The following MPP7 variants were observed in gnomAD, a reference collection of about 807,000 sequenced individuals.
The protein encoded by MPP7 is MAGUK p55 scaffold protein 7, also known as MAGUK p55 subfamily member 7.
MPP7 carries 60 observed loss-of-function variants against 76.5 expected under a neutral mutation model. The observed-to-expected ratio is 0.78, with a 90% confidence interval of 0.64 to 0.97. MPP7 has a LOEUF of 0.97. Among genes scored for constraint, MPP7 ranks in the 50% least tolerant of loss-of-function variants. MPP7 has a pLI of 0.00. For missense variants in MPP7, 641 were observed against 694.0 expected (o/e 0.92, Z 0.86); for synonymous variants, 237 against 244.5 (o/e 0.97, Z 0.29).
rs150537433 is a variant in MPP7 at position 28,239,720 on chromosome 10, A to G, written c.-131-985T>C. 2.1e-3 allele frequency among the ~76,000 whole-genome samples: 316 copies of G among 152,366 alleles called. 1 individual carries two copies. The highest frequency in any genetic ancestry group is 6.7e-3 in the African/African-American group (278 of 41,590). ...AACTAATGTTTATCCTCAAATAAGC[A>G]GTAAAGGCAGTATAGCATAGTAGCT... On this transcript the variant is annotated intron_variant, in intron 1 of 16. Coordinates refer to ENST00000683449, the MANE Select transcript of MPP7 (RefSeq NM_001318170.2).
intron 2 of MPP7, among the ~76,000 whole-genome samples, chr10:28,219,695 G>A (rs1386176454): frequency 6.6e-6 from 1 of 152,108 alleles, no homozygotes; most frequent in Non-Finnish European, 1.5e-5. Flanking sequence ...TGCATTCTGT[G>A]CAGTATGGTC....
intron 3 of MPP7, among the ~76,000 whole-genome samples, chr10:28,182,198 A>AG (rs869146766): frequency 1.3e-5 from 2 of 151,850 alleles, no homozygotes; most frequent in African/African-American, 4.8e-5. Context: ...AAAAATAGCA[A>AG]AGGATATAAA....
At chr10:28,109,863 A>AAAAAAAAAAAAAAAAAAAAAAAAAC (rs1834445245) in intron 11 of MPP7, among the ~76,000 whole-genome samples, 1 of 149,480 alleles carries the variant, frequency 6.7e-6, no homozygotes, top group African/African-American at 2.5e-5. Context: ...AAAAAAAAAA[A>AAAAAAAAAAAAAAAAAAAAAAAAAC]AAAAAAAAAA....
chr10:28,063,527 A>G (rs533010208), intron 13 of MPP7, among the ~76,000 whole-genome samples: 3 of 152,058 alleles, frequency 2.0e-5, no homozygotes, highest in East Asian at 3.9e-4. Context: ...GGGGTCCCCA[A>G]TCCCCAGGCC....
chr10:28,306,668 T>TAGAGAGAGAG (rs55731439), upstream of MPP7, among the ~76,000 whole-genome samples: 2,185 of 148,402 alleles, frequency 0.015, 64 homozygotes, highest in African/African-American at 0.048. Flanking sequence ...GATAGATAGA[T>TAGAGAGAGAG]AGAGAGAGAG....
In MPP7 at chr10:28,115,589, A is replaced by C. The variant is rs141430579; in HGVS notation, c.952+4062T>G. Among the ~76,000 whole-genome samples, 198 of 152,356 alleles carry C rather than the reference A, an allele frequency of 1.3e-3. 2 individuals are homozygous for C. Among genetic ancestry groups the C allele is most frequent in the Non-Finnish European group, 4.6e-4 (31 of 68,032 alleles). ...AATTACTTAAGAATCCAGGAAGAAG[A>C]AGCTTACTCAACTTGAAAAGCTTTA... On this transcript the variant is annotated intron_variant, in intron 11 of 16. Transcript: ENST00000683449.
chr10:28,284,303 A>G (rs1326919525), intron 1 of MPP7, among the ~76,000 whole-genome samples: 1 of 152,216 alleles, frequency 6.6e-6, no homozygotes, highest in Non-Finnish European at 1.5e-5. Context: ...AGACATTTAT[A>G]TAATCTTCTG....
intron 11 of MPP7, among the ~76,000 whole-genome samples, chr10:28,092,689 C>A (rs1047588886): frequency 1.3e-5 from 2 of 150,266 alleles, no homozygotes; most frequent in African/African-American, 4.9e-5. Flanking sequence ...CTTCCCACCT[C>A]AGCCCCCTGA....
At chr10:28,135,469 C>T (rs923854408) in intron 5 of MPP7, among the ~76,000 whole-genome samples, 2 of 152,342 alleles carry the variant, frequency 1.3e-5, no homozygotes, top group Non-Finnish European at 1.5e-5. Context: ...AAGGATGTTA[C>T]TGCCATCTAC....
intron 7 of MPP7, 21 bp from the exon 8 acceptor site, chr10:28,124,137 T>C: frequency 6.5e-7 from 1 of 1,534,098 alleles, no homozygotes; most frequent in Non-Finnish European, 9.0e-7. Context: ...GGAGATTTGG[T>C]AAATTAGCAG....
At chr10:28,073,641 G>A (rs1294030051) in intron 12 of MPP7, among the ~76,000 whole-genome samples, 1 of 152,062 alleles carries the variant, frequency 6.6e-6, no homozygotes, top group African/African-American at 2.4e-5. Context: ...ATGGTGGCGG[G>A]TTCCTGTAGT....
chr10:28,175,721 T>C (rs902853924), intron 3 of MPP7, among the ~76,000 whole-genome samples: 2 of 152,170 alleles, frequency 1.3e-5, no homozygotes, highest in Non-Finnish European at 2.9e-5. Context: ...ATTTTAACTT[T>C]AGACAAACTG....
chr10:28,227,417 TA>T (rs771321773), intron 2 of MPP7, among the ~76,000 whole-genome samples: 9 of 152,110 alleles, frequency 5.9e-5, no homozygotes, highest in Non-Finnish European at 1.0e-4. Context: ...ATCACCTAGG[TA>T]TTAAGCCCCA....
chr10:28,114,123 G>T (rs949950468), intron 11 of MPP7, among the ~76,000 whole-genome samples: 8 of 152,160 alleles, frequency 5.3e-5, no homozygotes, highest in Non-Finnish European at 8.8e-5. Context: ...TCAAAAAGAT[G>T]AATGTGGCTG....
intron 11 of MPP7, among the ~76,000 whole-genome samples, chr10:28,117,719 A>C (rs2133594434): frequency 6.6e-6 from 1 of 152,272 alleles, no homozygotes; most frequent in South Asian, 2.1e-4. Flanking sequence ...TATTCAAGGA[A>C]ATTTCAAGTA....
At chr10:28,075,149 T>G (rs2133383974) in intron 12 of MPP7, among the ~76,000 whole-genome samples, 1 of 152,078 alleles carries the variant, frequency 6.6e-6, no homozygotes, top group East Asian at 1.9e-4. Flanking sequence ...ACAGATCTTG[T>G]GAGAACTCAC....
At chr10:28,288,910 G>C (rs369781282) in intron 1 of MPP7, among the ~76,000 whole-genome samples, 18 of 152,132 alleles carry the variant, frequency 1.2e-4, no homozygotes, top group Non-Finnish European at 1.2e-4. Context: ...TATTAGGCTC[G>C]GGTGTGAGGT....
chr10:28,090,063 C>T (rs1040742752), intron 11 of MPP7, among the ~76,000 whole-genome samples: 3 of 152,062 alleles, frequency 2.0e-5, no homozygotes, highest in Non-Finnish European at 4.4e-5. Flanking sequence ...TGGGCTCAAG[C>T]GATCCTCCCA....
At chr10:28,191,365 TACAA>T (rs1217864669) in intron 3 of MPP7, among the ~76,000 whole-genome samples, 4 of 152,130 alleles carry the variant, frequency 2.6e-5, no homozygotes, top group African/African-American at 7.2e-5. Context: ...TAACCGTACT[TACAA>T]ACAGAGATGC....
Sources: gnomAD v4.1 joint callset for allele counts (sites outside exome capture counted in the v4.1 genomes callset) on GRCh38, gnomAD v4.1.1 for gene constraint, MANE v1.5 for transcripts, NCBI Gene and HGNC (gene_info 2026-07-23, HGNC 2026-07-21) for gene names.